The following KCNIP1 variants were observed in gnomAD, a reference collection of about 807,000 sequenced individuals.
The protein encoded by KCNIP1 is potassium voltage-gated channel interacting protein 1.
Under a neutral mutation model 33.0 loss-of-function variants are expected in KCNIP1, and 18 were observed. That is an observed-to-expected ratio of 0.55 (90% CI 0.38 to 0.81). KCNIP1 has a LOEUF of 0.81. Among genes scored for constraint, KCNIP1 ranks in the 30% least tolerant of loss-of-function variants. The pLI is 0.00. For missense variants in KCNIP1, 238 were observed against 271.6 expected (o/e 0.88, Z 0.87); for synonymous variants, 93 against 98.3 (o/e 0.95, Z 0.32).
At chr5:170,450,763 C>T (rs1180583651) in intron 1 of KCNIP1, among the ~76,000 whole-genome samples, 1 of 152,126 alleles carries the variant, frequency 6.6e-6, no homozygotes, top group Non-Finnish European at 1.5e-5. Context: ...AGAATGTCTC[C>T]CCTGGCCACG....
chr5:170,516,297 C>T (rs1412176269), intron 1 of KCNIP1, among the ~76,000 whole-genome samples: 1 of 152,116 alleles, frequency 6.6e-6, no homozygotes, highest in Non-Finnish European at 1.5e-5. Context: ...ACTATTTGTC[C>T]CCATGATTTA....
At chr5:170,369,967 G>A (rs1763799425) in intron 1 of KCNIP1, among the ~76,000 whole-genome samples, 1 of 152,166 alleles carries the variant, frequency 6.6e-6, no homozygotes, top group Non-Finnish European at 1.5e-5. Flanking sequence ...TACGGCCTCT[G>A]TGGGTAGGAC....
chr5:170,725,238 A>G (rs1216159998), intron 5 of KCNIP1, among the ~76,000 whole-genome samples: 1 of 152,240 alleles, frequency 6.6e-6, no homozygotes, highest in African/African-American at 2.4e-5. Context: ...TGTTTTTTGC[A>G]GATCTGTTCA....
At chr5:170,491,857 C>G (rs537916712) in intron 1 of KCNIP1, among the ~76,000 whole-genome samples, 1 of 152,328 alleles carries the variant, frequency 6.6e-6, no homozygotes, top group South Asian at 2.1e-4. Flanking sequence ...GACTTCGCCC[C>G]TCCGTGGGCC....
At chr5:170,562,459 G>A (rs1482455196) in intron 1 of KCNIP1, among the ~76,000 whole-genome samples, 1 of 152,214 alleles carries the variant, frequency 6.6e-6, no homozygotes, top group Non-Finnish European at 1.5e-5. Context: ...GTTGGGGAAA[G>A]TGCTTGATGT....
At chr5:170,432,810 T>C (rs1755773742) in intron 1 of KCNIP1, among the ~76,000 whole-genome samples, 1 of 152,152 alleles carries the variant, frequency 6.6e-6, no homozygotes, top group South Asian at 2.1e-4. Context: ...ATTTTACAGA[T>C]GCATAAACTG....
At chr5:170,588,221 T>C (rs1758070562) in intron 1 of KCNIP1, among the ~76,000 whole-genome samples, 1 of 152,190 alleles carries the variant, frequency 6.6e-6, no homozygotes, top group Admixed American at 6.5e-5. Context: ...AATTTCTCTG[T>C]TCTGACAGTC....
intron 1 of KCNIP1, among the ~76,000 whole-genome samples, chr5:170,364,461 A>G (rs1763601288): frequency 6.6e-6 from 1 of 152,258 alleles, no homozygotes; most frequent in African/African-American, 2.4e-5. Flanking sequence ...AATGAATCAT[A>G]TACGATTATA....
chr5:170,368,683 G>T (rs1046018163), intron 1 of KCNIP1, among the ~76,000 whole-genome samples: 2 of 152,204 alleles, frequency 1.3e-5, no homozygotes, highest in African/African-American at 4.8e-5. Flanking sequence ...ACAGTTCTCA[G>T]TATGGGAACG....
At chr5:170,614,432 T>G (rs2113624723) in intron 1 of KCNIP1, among the ~76,000 whole-genome samples, 1 of 152,352 alleles carries the variant, frequency 6.6e-6, no homozygotes, top group East Asian at 1.9e-4. Context: ...TTGCCAGTGA[T>G]CTCAACTTCA....
At chr5:170,650,093 T>C (rs1477865631) in intron 1 of KCNIP1, among the ~76,000 whole-genome samples, 2 of 152,154 alleles carry the variant, frequency 1.3e-5, no homozygotes, top group Non-Finnish European at 1.5e-5. Context: ...TTTTAAGAAA[T>C]ATTGCTAAGC....
intron 1 of KCNIP1, among the ~76,000 whole-genome samples, chr5:170,389,873 G>A (rs538720828): frequency 2.6e-5 from 4 of 152,132 alleles, no homozygotes; most frequent in Admixed American, 2.0e-4. Context: ...CAAACTTATC[G>A]TTAAATGACC....
At chr5:170,466,591 G>GT (rs1389855192) in intron 1 of KCNIP1, among the ~76,000 whole-genome samples, 1 of 152,208 alleles carries the variant, frequency 6.6e-6, no homozygotes, top group Non-Finnish European at 1.5e-5. Flanking sequence ...CATAGCCTGA[G>GT]TGGCTTATAA....
chr5:170,692,374 G>C (rs1762750190), intron 1 of KCNIP1, among the ~76,000 whole-genome samples: 1 of 152,162 alleles, frequency 6.6e-6, no homozygotes, highest in African/African-American at 2.4e-5. Context: ...AAATCCCCCA[G>C]GCTTGGAGAA....
intron 1 of KCNIP1, among the ~76,000 whole-genome samples, chr5:170,464,490 C>G (rs1269974388): frequency 6.6e-6 from 1 of 152,196 alleles, no homozygotes; most frequent in African/African-American, 2.4e-5. Flanking sequence ...GATTTCGAAT[C>G]TTACTTCAAA....
At chr5:170,634,485 G>A (rs192530660) in intron 1 of KCNIP1, among the ~76,000 whole-genome samples, 132 of 152,330 alleles carry the variant, frequency 8.7e-4, no homozygotes, top group African/African-American at 2.9e-3. Context: ...ACTTCGAGTA[G>A]CACCAAAGTA....
intron 1 of KCNIP1, among the ~76,000 whole-genome samples, chr5:170,429,177 C>T (rs559540520): frequency 6.6e-6 from 1 of 152,258 alleles, no homozygotes; most frequent in South Asian, 2.1e-4. Flanking sequence ...CTGCCTCCTG[C>T]ATCTTCCTTC....
intron 1 of KCNIP1, among the ~76,000 whole-genome samples, chr5:170,538,962 C>T (rs904559580): frequency 1.3e-5 from 2 of 151,954 alleles, no homozygotes; most frequent in East Asian, 2.0e-4. Context: ...AGCCCCAGGG[C>T]TCTGGGCTGG....
chr5:170,553,627 A>G (rs1561683640), intron 1 of KCNIP1, among the ~76,000 whole-genome samples: 1 of 152,160 alleles, frequency 6.6e-6, no homozygotes, highest in Admixed American at 6.5e-5. Flanking sequence ...CTGTGGCACA[A>G]TTGTCATCCT....
Sources: gnomAD v4.1 joint callset for allele counts (sites outside exome capture counted in the v4.1 genomes callset) on GRCh38, gnomAD v4.1.1 for gene constraint, MANE v1.5 for transcripts, NCBI Gene and HGNC (gene_info 2026-07-23, HGNC 2026-07-21) for gene names.